Variants in ATP7A observed in about 807,000 individuals in gnomAD.
The protein encoded by ATP7A is copper-transporting ATPase 1.
In ATP7A, 7 loss-of-function variants were observed where a neutral mutation model predicts 83.5. The ratio of observed to expected loss-of-function variants is 0.08; its 90% CI spans 0.05 to 0.16. The LOEUF is 0.16. ATP7A is among the 10% of genes least tolerant of loss of function. The pLI, the probability that ATP7A is intolerant of heterozygous loss-of-function variation, is 1.00. For synonymous variants in ATP7A, 354 were observed against 395.2 expected (o/e 0.90, Z 1.24); for missense variants, 940 against 1,120.8 (o/e 0.84, Z 2.30).
chrX:77,941,813 C>T (rs1252156002), intron 1 of ATP7A, among the ~76,000 whole-genome samples: 1 of 111,311 alleles, frequency 9.0e-6, no homozygotes, highest in African/African-American at 3.3e-5. Context: ...TTATAAAATC[C>T]AAATAGAAAA....
At chrX:77,931,941 C>T (rs1373480943) in intron 1 of ATP7A, among the ~76,000 whole-genome samples, 10 of 93,115 alleles carry the variant, frequency 1.1e-4, no homozygotes, top group South Asian at 5.4e-4. Context: ...GCTGGCTGGG[C>T]GGGGGGCTGA....
At chrX:77,944,589 G>A (rs1162704136) in intron 1 of ATP7A, among the ~76,000 whole-genome samples, 6 of 109,526 alleles carry the variant, frequency 5.5e-5, no homozygotes, top group African/African-American at 2.0e-4. Flanking sequence ...GCACTACCAC[G>A]CTCAGATAAT....
At chrX:78,011,816 C>A in intron 9 of ATP7A, 142 bp downstream of exon 9, 2 of 629,480 alleles carry the variant, frequency 3.2e-6, no homozygotes, top group South Asian at 2.3e-5. Context: ...AAATAATCTT[C>A]AACTGGGTAG....
rs187424707 is a variant in ATP7A at position 77,970,685 on chromosome X, A to C, written c.-21-936A>C. Among the ~76,000 whole-genome samples, 480 of 111,575 alleles carry C rather than the reference A, an allele frequency of 4.3e-3. 6 individuals carry two copies. Among genetic ancestry groups the C allele is most frequent in the Non-Finnish European group, 5.7e-3 (301 of 53,151 alleles). ...GAGTCTCAAAAACAAAAACAAAAAC[A>C]AAAACCAAAACAACAACAACAACAA... On this transcript the variant is annotated intron_variant, in intron 1 of 22. Coordinates refer to ENST00000341514, the MANE Select transcript of ATP7A (RefSeq NM_000052.7).
intron 4 of ATP7A, among the ~76,000 whole-genome samples, chrX:77,994,018 G>C (rs1185940350): frequency 9.0e-6 from 1 of 111,010 alleles, no homozygotes; most frequent in Non-Finnish European, 1.9e-5. Context: ...GCCCATTTTT[G>C]TGCTTAGATT....
At chrX:77,965,977 C>T (rs879981621) in intron 1 of ATP7A, among the ~76,000 whole-genome samples, 3 of 111,861 alleles carry the variant, frequency 2.7e-5, no homozygotes, top group Non-Finnish European at 3.8e-5. Context: ...TTGCCCAGGA[C>T]AGAAGGCTTA....
At chrX:78,002,491 A>C (rs2077746581) in intron 5 of ATP7A, among the ~76,000 whole-genome samples, 1 of 111,373 alleles carries the variant, frequency 9.0e-6, no homozygotes, top group South Asian at 3.7e-4. Context: ...ATCCAAGTCA[A>C]ACAAAAAACT....
intron 1 of ATP7A, among the ~76,000 whole-genome samples, chrX:77,944,756 C>A (rs545536350): frequency 9.0e-6 from 1 of 110,664 alleles, no homozygotes; most frequent in African/African-American, 3.3e-5. Flanking sequence ...CTCAAGTCTG[C>A]CAGTGAAAGT....
At chrX:77,932,404 G>A (rs1251062303) in intron 1 of ATP7A, among the ~76,000 whole-genome samples, 1 of 106,121 alleles carries the variant, frequency 9.4e-6, no homozygotes, top group African/African-American at 3.5e-5. Flanking sequence ...GGGCAGAGAC[G>A]CTCCTCACTT....
intron 1 of ATP7A, among the ~76,000 whole-genome samples, chrX:77,915,483 A>G (rs1180997235): frequency 4.5e-5 from 5 of 111,088 alleles, no homozygotes; most frequent in African/African-American, 1.6e-4. Context: ...GGGGACAATA[A>G]CAGTACCTGT....
intron 1 of ATP7A, among the ~76,000 whole-genome samples, chrX:77,927,408 TAACTC>T (rs782091087): frequency 2.7e-5 from 3 of 111,991 alleles, no homozygotes; most frequent in Non-Finnish European, 3.8e-5. Context: ...TTTTTTCACT[TAACTC>T]ATCACAGACA....
intron 1 of ATP7A, among the ~76,000 whole-genome samples, chrX:77,942,438 CT>C (rs1269583314): frequency 3.0e-4 from 31 of 103,124 alleles, no homozygotes; most frequent in East Asian, 3.0e-4. Context: ...TTAGGAACTC[CT>C]TTTTTTTTTG....
intron 1 of ATP7A, among the ~76,000 whole-genome samples, chrX:77,968,702 G>A (rs1233052917): frequency 8.9e-6 from 1 of 112,058 alleles, no homozygotes; most frequent in African/African-American, 3.2e-5. Flanking sequence ...GAAGGGAGTG[G>A]GTGCAGGCGA....
At chrX:78,036,912 A>G (rs782329876) in intron 17 of ATP7A, among the ~76,000 whole-genome samples, 15 of 111,567 alleles carry the variant, frequency 1.3e-4, no homozygotes, top group Non-Finnish European at 1.9e-4. Flanking sequence ...GTAAGAAATG[A>G]TAGAATTCTA....
intron 3 of ATP7A, 69 bp from the exon 4 acceptor site, chrX:77,989,164 A>G: frequency 2.8e-6 from 3 of 1,055,232 alleles, no homozygotes; most frequent in African/African-American, 1.9e-5. Flanking sequence ...TTATTGATTT[A>G]GAAAACAGAA....
At chrX:77,913,925 A>G (rs782110423) in intron 1 of ATP7A, among the ~76,000 whole-genome samples, 44 of 112,837 alleles carry the variant, frequency 3.9e-4, no homozygotes, top group Non-Finnish European at 6.2e-4. Flanking sequence ...TTTCAGACCT[A>G]TAATCAGGAG....
At chrX:78,021,797 A>AG (rs1287556426) in intron 14 of ATP7A, among the ~76,000 whole-genome samples, 2 of 111,843 alleles carry the variant, frequency 1.8e-5, no homozygotes, top group Non-Finnish European at 3.8e-5. Context: ...GTGACAGCCA[A>AG]GGGTCCCCCT....
intron 6 of ATP7A, among the ~76,000 whole-genome samples, chrX:78,006,152 T>A (rs1426428662): frequency 8.9e-6 from 1 of 112,417 alleles, no homozygotes; most frequent in Non-Finnish European, 1.9e-5. Flanking sequence ...ATCTCTCATG[T>A]ATTGCTGGTG....
At chrX:78,041,209 T>A (rs1338510535) in intron 19 of ATP7A, among the ~76,000 whole-genome samples, 1 of 112,003 alleles carries the variant, frequency 8.9e-6, no homozygotes, top group Non-Finnish European at 1.9e-5. Flanking sequence ...TCAATCTTTT[T>A]AACTTTGGAA....
Sources: gnomAD v4.1 joint callset for allele counts (sites outside exome capture counted in the v4.1 genomes callset) on GRCh38, gnomAD v4.1.1 for gene constraint, MANE v1.5 for transcripts, NCBI Gene and HGNC (gene_info 2026-07-23, HGNC 2026-07-21) for gene names.